The following TOPAZ1 variants were observed in gnomAD, a reference collection of about 807,000 sequenced individuals.
TOPAZ1 encodes the protein testis and ovary specific TOPAZ 1, also known as protein TOPAZ1.
In TOPAZ1, 66 loss-of-function variants were observed where a neutral mutation model predicts 172.2. The ratio of observed to expected loss-of-function variants is 0.38; its 90% CI spans 0.31 to 0.47. The LOEUF (loss-of-function observed/expected upper bound fraction) is 0.47. Among genes scored for constraint, TOPAZ1 ranks in the 20% least tolerant of loss-of-function variants. TOPAZ1 has a pLI of 0.99. For synonymous variants in TOPAZ1, 681 were observed against 683.9 expected (o/e 1.00, Z 0.07); for missense variants, 1,822 against 1,972.4 (o/e 0.92, Z 1.44).
chr3:44,308,431 T>C (rs1700359952), intron 15 of TOPAZ1, among the ~76,000 whole-genome samples: 2 of 152,216 alleles, frequency 1.3e-5, no homozygotes, highest in South Asian at 2.1e-4. Context: ...TCCAGCTTCA[T>C]CTATGTCCCT....
intron 16 of TOPAZ1, among the ~76,000 whole-genome samples, chr3:44,310,349 A>G (rs891559933): frequency 6.6e-5 from 10 of 152,176 alleles, no homozygotes; most frequent in African/African-American, 2.2e-4. Flanking sequence ...AAGTACAAAA[A>G]TTAGCCAGGC....
chr3:44,306,300 C>G (rs1272617680), intron 14 of TOPAZ1, 26 bp from the exon 15 acceptor site: 4 of 1,411,000 alleles, frequency 2.8e-6, no homozygotes, highest in Non-Finnish European at 3.9e-6. Flanking sequence ...ATTTTATTTT[C>G]TTTTGTATGC....
intron 8 of TOPAZ1, among the ~76,000 whole-genome samples, chr3:44,272,585 A>G (rs1486358744): frequency 6.6e-6 from 1 of 151,862 alleles, no homozygotes; most frequent in Non-Finnish European, 1.5e-5. Flanking sequence ...TTTTTGAGGC[A>G]GAGTCTTGCT....
downstream of TOPAZ1, among the ~76,000 whole-genome samples, chr3:44,335,948 C>T (rs1312315778): frequency 2.0e-5 from 3 of 152,134 alleles, no homozygotes; most frequent in African/African-American, 4.8e-5. Context: ...ACAATTGTCA[C>T]GTTTAAGATC....
intron 9 of TOPAZ1, among the ~76,000 whole-genome samples, chr3:44,283,550 T>C (rs1268318248): frequency 6.6e-6 from 1 of 152,242 alleles, no homozygotes; most frequent in Non-Finnish European, 1.5e-5. Flanking sequence ...GTTTCTTGTT[T>C]ATCTATTTTA....
chr3:44,294,659 G>A (rs1436183244), intron 12 of TOPAZ1, among the ~76,000 whole-genome samples: 1 of 151,964 alleles, frequency 6.6e-6, no homozygotes, highest in Non-Finnish European at 1.5e-5. Flanking sequence ...GTGCCATTGT[G>A]CCCTAGCTAT....
chr3:44,313,388 G>A (rs1334429370), intron 16 of TOPAZ1, among the ~76,000 whole-genome samples: 3 of 151,988 alleles, frequency 2.0e-5, no homozygotes, highest in Non-Finnish European at 4.4e-5. Flanking sequence ...GAGGCGGGCG[G>A]ATCACGAGGT....
rs1163610530 is a variant in TOPAZ1 at position 44,270,717 on chromosome 3, C to T, written c.3279C>T (p.Pro1093=). The stretch of plus-strand genomic sequence containing the variant: ...AGAAGTCCCTAGGGTTGATGATACC[C>T]TATAAATATTGCAAATTTCATTTTA... ...VFQKSLGLMI[P]YKYCKFHFNT... The change falls in exon 8 of 20, where the codon CCC becomes CCT. Residue 1093 remains proline (P), a synonymous_variant. Coordinates refer to ENST00000309765, the MANE Select transcript of TOPAZ1 (RefSeq NM_001145030.2). 6.4e-7 allele frequency: 1 copy of T among 1,550,542 alleles called. No homozygotes were observed. Among genetic ancestry groups the T allele is most frequent in the Admixed American group, 2.0e-5 (1 of 50,904 alleles).
At chr3:44,295,178 CT>C (rs1421952570) in intron 12 of TOPAZ1, among the ~76,000 whole-genome samples, 9 of 152,038 alleles carry the variant, frequency 5.9e-5, no homozygotes, top group Admixed American at 6.6e-5. Context: ...ATGCACTTAC[CT>C]TTTGACTCAG....
rs1559531500 is a variant in TOPAZ1 at position 44,268,363 on chromosome 3, ATTC to A, written c.3161-850_3161-848del. Among the ~76,000 whole-genome samples, 8 of 91,758 alleles carry A rather than the reference ATTC, an allele frequency of 8.7e-5. 1 individual carries two copies. Among genetic ancestry groups the A allele is most frequent in the African/African-American group, 1.6e-4 (4 of 24,952 alleles). 60.2% of individuals were successfully genotyped at this position (91,758 alleles called of 152,430 possible). On this transcript the variant is annotated intron_variant, in intron 6 of 19. Transcript: ENST00000309765. ...AAAGAGTGTAAGCTCTGTGGTGCCT[ATTC>A]TTTTTTTTTTTTTTTTTTTTTTTTT... is the stretch of plus-strand genomic sequence containing the variant.
At position 44,255,042 on chromosome 3, in the gene TOPAZ1, A is replaced by G. The variant is rs1283979241; in HGVS notation, c.2827+13A>G. ...TCCAACTCAGCAGGTAAAAGTTGAC[A>G]TTTTCAGAATATGCAATATTGAAGC... On this transcript the variant is annotated intron_variant, in intron 3 of 19. Coordinates refer to ENST00000309765, the MANE Select transcript of TOPAZ1 (RefSeq NM_001145030.2). The G allele has an allele frequency of 5.8e-6, 9 of 1,545,760 alleles. No homozygotes were observed. Among genetic ancestry groups the G allele is most frequent in the Non-Finnish European group, 7.9e-6 (9 of 1,142,068 alleles).
intron 5 of TOPAZ1, among the ~76,000 whole-genome samples, chr3:44,263,855 G>A (rs951272056): frequency 1.3e-5 from 2 of 152,086 alleles, no homozygotes; most frequent in Non-Finnish European, 2.9e-5. Context: ...TTCTAGATAA[G>A]TAGTGTCCAA....
chr3:44,257,455 T>TTA (rs199550822), intron 4 of TOPAZ1, among the ~76,000 whole-genome samples: 1 of 70,344 alleles, frequency 1.4e-5, no homozygotes, highest in Non-Finnish European at 3.0e-5. Context: ...TGTATCTATT[T>TTA]TATATATATA....
At chr3:44,289,708 G>A (rs776176237) in intron 11 of TOPAZ1, among the ~76,000 whole-genome samples, 1 of 152,130 alleles carries the variant, frequency 6.6e-6, no homozygotes, top group South Asian at 2.1e-4. Context: ...CCAAATTACA[G>A]CATCTCACAT....
At chr3:44,320,988 T>C (rs761522228) in intron 16 of TOPAZ1, 39 bp from the exon 17 acceptor site, 2 of 1,353,084 alleles carry the variant, frequency 1.5e-6, no homozygotes, top group Non-Finnish European at 2.0e-6. Context: ...AGTGTCATTT[T>C]CATGGTATAA....
chr3:44,336,102 G>A (rs1049591085), downstream of TOPAZ1, among the ~76,000 whole-genome samples: 14 of 152,188 alleles, frequency 9.2e-5, no homozygotes, highest in Non-Finnish European at 1.8e-4. Flanking sequence ...CTGTATTTTG[G>A]TCTGGAACAG....
chr3:44,279,301 G>A (rs569042422), intron 8 of TOPAZ1, among the ~76,000 whole-genome samples: 18 of 152,268 alleles, frequency 1.2e-4, no homozygotes, highest in African/African-American at 4.1e-4. Context: ...GTAGCTGTTG[G>A]ATGAAATGTT....
rs1388130769 is a variant in TOPAZ1 at position 44,269,244 on chromosome 3, C to T, written c.3189C>T (p.Val1063=). 6.5e-7 allele frequency: 1 copy of T among 1,549,614 alleles called. No individual in the cohort carries two copies. The highest frequency in any genetic ancestry group is 2.4e-5 in the East Asian group (1 of 40,884). ...TCAGATTTCTGGGAAAACATTCTGT[C>T]CTAAAGCTGCAGAATCCTGAAACTT... The part of the protein sequence containing the change: ...NDFRFLGKHS[V]LKLQNPETCE... The change falls in exon 7 of 20, where the codon GTC becomes GTT. Residue 1063 remains valine (V), a synonymous_variant. Coordinates refer to ENST00000309765, the MANE Select transcript of TOPAZ1 (RefSeq NM_001145030.2).
At position 44,269,184 on chromosome 3, in the gene TOPAZ1, T is replaced by C. The variant is rs1699865572; in HGVS notation, c.3161-32T>C. The C allele has an allele frequency of 3.5e-6, 4 of 1,127,386 alleles. No homozygotes were observed. In the African/African-American group the frequency reaches 4.6e-5, roughly 13 times the overall value. The allele number at this position is 1,127,386 out of a possible 1,614,324, so 69.8% of individuals were successfully genotyped here. On this transcript the variant is annotated intron_variant, in intron 6 of 19. Transcript: ENST00000309765. ...ATGAAGAAAATAAGTTGTAACATATTGGTGTGTAATGCCACTCTAAATCAT... is the reference window on the plus strand; with the variant it reads ...ATGAAGAAAATAAGTTGTAACATATCGGTGTGTAATGCCACTCTAAATCAT...
Sources: gnomAD v4.1 joint callset for allele counts (sites outside exome capture counted in the v4.1 genomes callset) on GRCh38, gnomAD v4.1.1 for gene constraint, MANE v1.5 for transcripts, NCBI Gene and HGNC (gene_info 2026-07-23, HGNC 2026-07-21) for gene names.